The following PTPRN2 variants were observed in gnomAD, a reference collection of about 807,000 sequenced individuals.
The protein encoded by PTPRN2 is receptor-type tyrosine-protein phosphatase N2.
A neutral mutation model predicts 118.8 loss-of-function variants in PTPRN2; 74 were observed. The ratio of observed to expected loss-of-function variants is 0.62; its 90% CI spans 0.52 to 0.76. The LOEUF is 0.76. PTPRN2 is among the 30% of genes least tolerant of loss of function. PTPRN2 has a pLI of 0.00. For synonymous variants in PTPRN2, 641 were observed against 608.0 expected (o/e 1.05, Z -0.80); for missense variants, 1,481 against 1,394.4 (o/e 1.06, Z -0.99).
rs904903550 is a variant in PTPRN2, at chr7:157,808,557, C to A, written c.1788+90116G>T. Among the ~76,000 whole-genome samples, 1 of 152,162 alleles carries A rather than the reference C, an allele frequency of 6.6e-6. No individual in the cohort carries two copies. The highest frequency in any genetic ancestry group is 1.5e-5 in the Non-Finnish European group (1 of 68,030). ...ATCTGTCACTGTCTCCCATCACCCC[C>A]AGATGGGACCAGCCAGTTGCAGGAA... On this transcript the variant is annotated intron_variant, in intron 12 of 22. Transcript: ENST00000389418. This position sits in a 1 kb window ranked among gnomAD's most constrained non-coding sequence, Gnocchi z 5.0.
At chr7:157,736,764 T>A (rs1800322308) in intron 12 of PTPRN2, among the ~76,000 whole-genome samples, 1 of 152,152 alleles carries the variant, frequency 6.6e-6, no homozygotes, top group Non-Finnish European at 1.5e-5. Context: ...TGTCTCCTGC[T>A]CTTTCGTGGA....
In PTPRN2 at chr7:158,133,938, T is replaced by G. The variant is rs1317127517; in HGVS notation, c.1295A>C (p.Glu432Ala). 6.2e-7 allele frequency: 1 copy of G among 1,614,016 alleles called. No homozygotes were observed. The highest frequency in any genetic ancestry group is 2.2e-5 in the East Asian group (1 of 44,880). The change falls in exon 9 of 23, where the codon GAG becomes GCG. Residue 432 changes from glutamate (E) to alanine (A), a missense_variant. Glu to Ala is a moderately radical substitution (Grantham distance 107). This residue lies in a region of PTPRN2 where 1,115 missense variants were observed against 994.2 expected (regional missense o/e 1.12). Coordinates refer to ENST00000389418, the MANE Select transcript of PTPRN2 (RefSeq NM_002847.5). ...DMERKKSEHP[E>A]SSLSSEEETA... Reference sequence around the variant, plus strand: ...CTCCTCTTCTGAAGACAGGGAAGACTCAGGGTGCTCGGACTTCTTCCTCTC... The same window carrying G: ...CTCCTCTTCTGAAGACAGGGAAGACGCAGGGTGCTCGGACTTCTTCCTCTC...
intron 5 of PTPRN2, among the ~76,000 whole-genome samples, chr7:158,172,461 C>A (rs547538979): frequency 3.9e-5 from 6 of 151,960 alleles, no homozygotes; most frequent in African/African-American, 1.4e-4. Context: ...ACAGCACCAT[C>A]CCTACCATCA....
At chr7:158,410,653 T>G (rs976013845) in intron 2 of PTPRN2, among the ~76,000 whole-genome samples, 1 of 152,248 alleles carries the variant, frequency 6.6e-6, no homozygotes, top group Admixed American at 6.5e-5. Flanking sequence ...TCTCTGGGAA[T>G]GTCCAGCCAG....
chr7:158,144,188 G>A (rs1473670217), intron 6 of PTPRN2, among the ~76,000 whole-genome samples: 3 of 152,108 alleles, frequency 2.0e-5, no homozygotes, highest in Non-Finnish European at 4.4e-5. Context: ...TCTCGAATTC[G>A]GCATTTCCAG....
chr7:157,726,147 G>A (rs1034219034), intron 12 of PTPRN2, among the ~76,000 whole-genome samples: 3 of 82,356 alleles, frequency 3.6e-5, no homozygotes, highest in Non-Finnish European at 4.8e-5. Context: ...CCAGACTCTC[G>A]CCTCCCAGGA....
chr7:157,574,332 C>G (rs1043088557), intron 19 of PTPRN2: 1 of 526,812 alleles, frequency 1.9e-6, no homozygotes. Flanking sequence ...CCCTGCAGTA[C>G]AGTCACAGTT....
At chr7:158,434,079 A>G (rs896496346) in intron 2 of PTPRN2, among the ~76,000 whole-genome samples, 1 of 152,158 alleles carries the variant, frequency 6.6e-6, no homozygotes, top group Admixed American at 6.5e-5. Flanking sequence ...GCAATATGTT[A>G]AGATTTGTTT....
At chr7:158,172,621 C>T (rs116100628) in intron 5 of PTPRN2, among the ~76,000 whole-genome samples, 80 of 151,420 alleles carry the variant, frequency 5.3e-4, no homozygotes, top group African/African-American at 1.9e-3. Context: ...TCCACTATCT[C>T]CAACAGCATC....
intron 1 of PTPRN2, among the ~76,000 whole-genome samples, chr7:158,543,667 G>T (rs550773819): frequency 9.2e-5 from 14 of 152,350 alleles, no homozygotes; most frequent in African/African-American, 3.4e-4. Context: ...TATGTGTGAG[G>T]CCTCGTTGAA....
intron 11 of PTPRN2, among the ~76,000 whole-genome samples, chr7:157,980,990 T>C (rs188544414): frequency 6.7e-6 from 1 of 149,000 alleles, no homozygotes; most frequent in Non-Finnish European, 1.5e-5. Context: ...TGGGGACAGG[T>C]GGGGGGTAAG....
intron 5 of PTPRN2, among the ~76,000 whole-genome samples, chr7:158,189,764 T>A (rs1825615969): frequency 6.6e-6 from 1 of 152,188 alleles, no homozygotes; most frequent in African/African-American, 2.4e-5. Flanking sequence ...ACGGCGCCGT[T>A]ACAGAAGCCT....
chr7:157,917,187 G>A (rs543008311), intron 11 of PTPRN2, among the ~76,000 whole-genome samples: 31 of 152,370 alleles, frequency 2.0e-4, no homozygotes, highest in Non-Finnish European at 3.4e-4. Flanking sequence ...ACAGGCTGCC[G>A]CAGCTGGGGA....
chr7:158,049,200 A>G (rs1809146141), intron 11 of PTPRN2, among the ~76,000 whole-genome samples: 2 of 151,930 alleles, frequency 1.3e-5, no homozygotes, highest in South Asian at 2.1e-4. Flanking sequence ...CAGCATCACT[A>G]TCATCATCAT....
intron 2 of PTPRN2, among the ~76,000 whole-genome samples, chr7:158,355,802 C>T (rs1808343755): frequency 6.6e-6 from 1 of 152,160 alleles, no homozygotes; most frequent in East Asian, 1.9e-4. Flanking sequence ...AGAGCGTGAG[C>T]GTGAACCCCA....
rs969677477 is a variant in PTPRN2 at position 158,316,883 on chromosome 7, G to A, written c.213C>T (p.Arg71=). ...CQKVPAMDFY[R]YEVSPVALQR... ...GCAGGGCCACGGGCGACACCTCGTA[G>A]CGGTAAAAGTCCATTGCCGGAACCT... The change falls in exon 3 of 23, where the codon CGC becomes CGT. Residue 71 remains arginine, a synonymous_variant. Transcript: ENST00000389418. 3.7e-6 allele frequency: 6 copies of A among 1,612,652 alleles called. No individual in the cohort carries two copies. Among genetic ancestry groups the A allele is most frequent in the South Asian group, 1.1e-5 (1 of 91,072 alleles).
At chr7:157,710,597 G>A (rs1032848772) in intron 12 of PTPRN2, among the ~76,000 whole-genome samples, 8 of 150,208 alleles carry the variant, frequency 5.3e-5, no homozygotes, top group Admixed American at 2.7e-4. Flanking sequence ...ACCCCAAGCC[G>A]CTCAGGACCG....
intron 2 of PTPRN2, among the ~76,000 whole-genome samples, chr7:158,405,001 C>A (rs911870985): frequency 1.5e-5 from 2 of 136,598 alleles, no homozygotes; most frequent in Non-Finnish European, 3.1e-5. Flanking sequence ...CAGCCTCCAG[C>A]TCCTCGGCCT....
chr7:157,833,648 T>C (rs1807738141), intron 12 of PTPRN2, among the ~76,000 whole-genome samples: 1 of 152,258 alleles, frequency 6.6e-6, no homozygotes, highest in African/African-American at 2.4e-5. Flanking sequence ...GATGGTAAAC[T>C]TGATGGAGCA....
Sources: allele counts gnomAD v4.1 joint callset (sites outside exome capture counted in the v4.1 genomes callset), GRCh38; gene constraint gnomAD v4.1.1; regional missense constraint gnomAD v4.1.1; non-coding constraint Gnocchi (gnomAD v3.1); transcripts MANE v1.5; gene names NCBI Gene and HGNC (gene_info 2026-07-23, HGNC 2026-07-21).